Variants in TAF12 observed in about 807,000 individuals in gnomAD.
TAF12 encodes transcription initiation factor TFIID subunit 12.
TAF12 carries 3 observed loss-of-function variants against 20.8 expected under a neutral mutation model. The ratio of observed to expected loss-of-function variants is 0.14; its 90% CI spans 0.07 to 0.37. The LOEUF is 0.37. TAF12 is among the 10% of genes least tolerant of loss of function. The pLI is 1.00. For synonymous variants in TAF12, 69 were observed against 70.2 expected (o/e 0.98, Z 0.09); for missense variants, 131 against 197.9 (o/e 0.66, Z 2.03).
At chr1:28,634,570 T>C (rs548710348) in intron 1 of TAF12, among the ~76,000 whole-genome samples, 17 of 152,256 alleles carry the variant, frequency 1.1e-4, no homozygotes, top group Admixed American at 2.6e-4. Flanking sequence ...CCCCCAGTGA[T>C]TGGTTGTTGA....
chr1:28,626,283 C>T (rs1667388045), intron 1 of TAF12, among the ~76,000 whole-genome samples: 1 of 151,360 alleles, frequency 6.6e-6, no homozygotes, highest in African/African-American at 2.4e-5. Context: ...CGGCCTCAGC[C>T]TAAATTTTTT....
chr1:28,643,337 C>G (rs1024530686), upstream of TAF12: 1 of 157,056 alleles, frequency 6.4e-6, no homozygotes, highest in African/African-American at 2.4e-5. Flanking sequence ...GCTTATTTAT[C>G]TATCGGTAGC....
At chr1:28,606,467 G>T (rs947471519) in intron 4 of TAF12, among the ~76,000 whole-genome samples, 4 of 151,410 alleles carry the variant, frequency 2.6e-5, no homozygotes, top group Non-Finnish European at 5.9e-5. Context: ...TAGAGAGGGG[G>T]TCTTGTTATG....
intron 1 of TAF12, among the ~76,000 whole-genome samples, chr1:28,640,832 T>C (rs1434951742): frequency 6.6e-6 from 1 of 151,858 alleles, no homozygotes; most frequent in Non-Finnish European, 1.5e-5. Flanking sequence ...TAAGAACATT[T>C]TGGGAGGCCA....
At chr1:28,639,997 C>G (rs765638174) in intron 1 of TAF12, among the ~76,000 whole-genome samples, 1 of 152,112 alleles carries the variant, frequency 6.6e-6, no homozygotes, top group Non-Finnish European at 1.5e-5. Flanking sequence ...CATGTGCCAC[C>G]ATGCCCAGCT....
intron 2 of TAF12, among the ~76,000 whole-genome samples, chr1:28,620,943 T>C (rs1180556828): frequency 6.6e-6 from 1 of 152,212 alleles, no homozygotes; most frequent in Non-Finnish European, 1.5e-5. Context: ...GAATTGGTCA[T>C]CCACCCAGTC....
intron 3 of TAF12, among the ~76,000 whole-genome samples, chr1:28,613,670 C>T (rs1333132473): frequency 6.6e-6 from 1 of 152,224 alleles, no homozygotes; most frequent in Non-Finnish European, 1.5e-5. Context: ...ATTCCTCACT[C>T]ACAGTATCTT....
At chr1:28,628,411 G>T (rs116717472) in intron 1 of TAF12, among the ~76,000 whole-genome samples, 3,308 of 151,962 alleles carry the variant, frequency 0.022, 130 homozygotes, top group African/African-American at 0.076. Flanking sequence ...CATATTGTAC[G>T]ATTACATTTA....
intron 1 of TAF12, among the ~76,000 whole-genome samples, chr1:28,628,349 A>G (rs1430374774): frequency 6.7e-6 from 1 of 150,146 alleles, no homozygotes; most frequent in Non-Finnish European, 1.5e-5. Flanking sequence ...TGGGTGACAG[A>G]GCAAGACTCT....
chr1:28,639,941 A>G (rs1557476372), intron 1 of TAF12, among the ~76,000 whole-genome samples: 1 of 152,082 alleles, frequency 6.6e-6, no homozygotes, highest in Non-Finnish European at 1.5e-5. Context: ...CCAGGATTCA[A>G]GTGATTCTCT....
At chr1:28,622,408 T>C (rs1020282072) in intron 1 of TAF12, among the ~76,000 whole-genome samples, 2 of 151,392 alleles carry the variant, frequency 1.3e-5, no homozygotes, top group African/African-American at 4.9e-5. Context: ...TGTTAGACTT[T>C]GAGGGTTCTT....
intron 1 of TAF12, among the ~76,000 whole-genome samples, chr1:28,638,116 T>C (rs1281356299): frequency 6.6e-6 from 1 of 152,118 alleles, no homozygotes; most frequent in Non-Finnish European, 1.5e-5. Flanking sequence ...TTCTCCTGCC[T>C]CAGCCTCCTG....
chr1:28,622,423 A>G (rs1324435918), intron 1 of TAF12, among the ~76,000 whole-genome samples: 1 of 151,690 alleles, frequency 6.6e-6, no homozygotes, highest in East Asian at 1.9e-4. Context: ...GTTCTTCAGT[A>G]TATATGGAAT....
At chr1:28,617,832 ATCC>A (rs1417669404) in intron 3 of TAF12, 118 bp downstream of exon 3, 1 of 951,844 alleles carries the variant, frequency 1.1e-6, no homozygotes, top group East Asian at 2.4e-5. Flanking sequence ...GGTTCCAGCA[ATCC>A]TCCTGCTTTG....
intron 1 of TAF12, among the ~76,000 whole-genome samples, chr1:28,633,164 C>CTTTTTT (rs769194043): frequency 2.6e-5 from 3 of 117,560 alleles, no homozygotes; most frequent in Non-Finnish European, 5.3e-5. Context: ...GCCCGGCCTA[C>CTTTTTT]TTTTTTTTTT....
intron 3 of TAF12, among the ~76,000 whole-genome samples, chr1:28,613,868 G>C (rs1666944708): frequency 6.6e-6 from 1 of 152,124 alleles, no homozygotes; most frequent in African/African-American, 2.4e-5. Flanking sequence ...AGCACTTTGG[G>C]AAGCCGAGTT....
chr1:28,625,537 ATT>A (rs753920655), intron 1 of TAF12, among the ~76,000 whole-genome samples: 14 of 133,406 alleles, frequency 1.0e-4, no homozygotes, highest in Admixed American at 3.0e-4. Context: ...CACCCAGCTA[ATT>A]TTTTTTTTTT....
intron 2 of TAF12, among the ~76,000 whole-genome samples, chr1:28,618,490 CCCAGCTAGCTGGGA>C (rs1360223847): frequency 1.1e-3 from 166 of 151,942 alleles, no homozygotes; most frequent in Non-Finnish European, 2.1e-3. Flanking sequence ...ACCTAAGCTT[CCCAGCTAGCTGGGA>C]CCATAGGCAC....
At chr1:28,646,137 G>A (rs1325062526), upstream of TAF12, 1 of 152,122 alleles carries the variant, frequency 6.6e-6, no homozygotes, top group Non-Finnish European at 1.5e-5. Context: ...GCCTCAGCAT[G>A]GTGGTGTGTA....
Sources: gnomAD v4.1 joint callset for allele counts (sites outside exome capture counted in the v4.1 genomes callset) on GRCh38, gnomAD v4.1.1 for gene constraint, MANE v1.5 for transcripts, NCBI Gene and HGNC (gene_info 2026-07-23, HGNC 2026-07-21) for gene names.